KCNN1: variants seen among roughly 807,000 people sequenced by gnomAD.
KCNN1 encodes the protein small conductance calcium-activated potassium channel protein 1.
KCNN1 carries 20 observed loss-of-function variants against 44.7 expected under a neutral mutation model. The ratio of observed to expected loss-of-function variants is 0.45; its 90% CI spans 0.32 to 0.65. The LOEUF is 0.65. Ranked by LOEUF, KCNN1 falls within the 30% of genes least tolerant of loss-of-function variation. The pLI is 0.05. For missense variants in KCNN1, 632 were observed against 785.3 expected (o/e 0.80, Z 2.33); for synonymous variants, 324 against 341.7 (o/e 0.95, Z 0.57).
At chr19:17,971,306 TG>T (rs1283383482) in intron 1 of KCNN1, among the ~76,000 whole-genome samples, 1 of 152,042 alleles carries the variant, frequency 6.6e-6, no homozygotes, top group Non-Finnish European at 1.5e-5. Context: ...GCCTGGCACA[TG>T]GGGGACCCCT....
rs971767958 is a variant in KCNN1 at position 17,974,878 on chromosome 19, A to G, written c.403-214A>G. 1.3e-5 allele frequency among the ~76,000 whole-genome samples: 2 copies of G among 152,224 alleles called. No homozygotes were observed. The highest frequency in any genetic ancestry group is 4.8e-5 in the African/African-American group (2 of 41,444). ...CAGGAGAGCACCGCTTCCTGAATAC[A>G]GCACATGCTGCACGCCCAGCCCTGA... On this transcript the variant is annotated intron_variant, in intron 2 of 9. Coordinates refer to ENST00000684775, the MANE Select transcript of KCNN1 (RefSeq NM_001386974.1). This position sits in a 1 kb window ranked among gnomAD's most constrained non-coding sequence, Gnocchi z 7.3.
intron 9 of KCNN1, among the ~76,000 whole-genome samples, chr19:17,996,701 C>A (rs914195298): frequency 1.3e-5 from 2 of 152,250 alleles, no homozygotes; most frequent in Non-Finnish European, 2.9e-5. Flanking sequence ...AGATGTCACC[C>A]TCTGGCTCTA....
chr19:17,957,297 T>G (rs1030620551), intron 2 of KCNN1, among the ~76,000 whole-genome samples: 708 of 45,100 alleles, frequency 0.016, no homozygotes, highest in Middle Eastern at 0.095. Flanking sequence ...AGAGGGAGGG[T>G]AGGAGGGAGG....
intron 1 of KCNN1, among the ~76,000 whole-genome samples, chr19:17,970,403 C>T (rs1055025696): frequency 1.4e-5 from 2 of 138,464 alleles, no homozygotes; most frequent in Non-Finnish European, 3.1e-5. Flanking sequence ...CTGCAACCTC[C>T]ACTTCCCGGG....
chr19:17,989,958 T>C lies in KCNN1; in HGVS notation c.1298+115T>C, dbSNP rs1271489261. The C allele has an allele frequency of 2.7e-6, 4 of 1,474,042 alleles. No homozygotes were observed. In the East Asian group the frequency reaches 6.9e-5, roughly 25 times the overall value. 91.3% of individuals were successfully genotyped at this position (1,474,042 alleles called of 1,614,324 possible). A position where few individuals can be genotyped will look rare whatever the true frequency, so the allele number is the denominator to read the frequency against. ...CTGCCAGGGACGGGTGGTCAGTTGG[T>C]TGGGGCCTGCATCTTCTGAGCTGGG... On this transcript the variant is annotated intron_variant, in intron 7 of 9. Transcript: ENST00000684775.
At chr19:17,976,503 A>C (rs973346993) in intron 3 of KCNN1, among the ~76,000 whole-genome samples, 3 of 144,870 alleles carry the variant, frequency 2.1e-5, no homozygotes, top group South Asian at 2.2e-4. Flanking sequence ...ACCGCAACCT[A>C]CGCCTCCTGG....
intron 2 of KCNN1, among the ~76,000 whole-genome samples, chr19:17,955,166 G>A (rs1478190552): frequency 1.3e-5 from 2 of 150,526 alleles, no homozygotes; most frequent in African/African-American, 4.9e-5. Context: ...TCGAGTCCAG[G>A]AGTTCGAGGC....
chr19:17,974,216 G>T lies in KCNN1; in HGVS notation c.328G>T (p.Ala110Ser). The change falls in exon 2 of 10, where the codon GCC (alanine) becomes TCC (serine). Residue 110 changes from alanine (A) to serine (S), a missense_variant. Transcript: ENST00000684775. The surrounding 1 kb of genome is among the most constrained non-coding windows in gnomAD (Gnocchi z 7.3). ...FEKRKRLSDY[A>S]LIFGMFGIVV... is the part of the protein sequence containing the mutation. ...GAAGCGGAAGCGCCTCAGCGACTAT[G>T]CCCTCATTTTCGGCATGTTTGGCAT... The T allele has an allele frequency of 6.2e-7, 1 of 1,612,210 alleles. No individual in the cohort carries two copies. Among genetic ancestry groups the T allele is most frequent in the Non-Finnish European group, 8.5e-7 (1 of 1,178,856 alleles).
rs202200359 is a variant in KCNN1 at position 17,988,542 on chromosome 19, C to T, written c.1170+17C>T. ...ACCAAGCGGGTGAGGACCGCGGTTC[C>T]CATGGAGGCCGCCTCCTGGCCTTGT... On this transcript the variant is annotated intron_variant, in intron 6 of 9. Transcript: ENST00000684775. 3.5e-5 allele frequency: 55 copies of T among 1,580,610 alleles called. No individual in the cohort carries two copies. The highest frequency in any genetic ancestry group is 4.1e-5 in the Non-Finnish European group (47 of 1,151,738).
chr19:17,960,399 G>A (rs545293902), intron 2 of KCNN1, among the ~76,000 whole-genome samples: 3 of 152,064 alleles, frequency 2.0e-5, no homozygotes, highest in African/African-American at 7.2e-5. Context: ...GGAGGCCGAG[G>A]CGGGTGGATC....
chr19:17,959,572 T>C (rs2031630801), intron 2 of KCNN1, among the ~76,000 whole-genome samples: 1 of 152,100 alleles, frequency 6.6e-6, no homozygotes, highest in Admixed American at 6.6e-5. Context: ...TTTCAATTTA[T>C]TCTTTATTTT....
intron 2 of KCNN1, among the ~76,000 whole-genome samples, chr19:17,959,989 AG>A (rs1269426614): frequency 4.6e-5 from 7 of 152,070 alleles, no homozygotes; most frequent in African/African-American, 1.7e-4. Flanking sequence ...AGGCTGAGAC[AG>A]GAGAATCACT....
At chr19:17,988,372 C>A in intron 5 of KCNN1, 43 bp from the exon 6 acceptor site, 3 of 1,539,042 alleles carry the variant, frequency 1.9e-6, no homozygotes, top group Non-Finnish European at 1.8e-6. Context: ...AGGGAGTGAC[C>A]TCAAGACAGG....
chr19:17,995,596 T>A (rs376547772), intron 9 of KCNN1, among the ~76,000 whole-genome samples: 1 of 152,206 alleles, frequency 6.6e-6, no homozygotes, highest in East Asian at 1.9e-4. Flanking sequence ...ACTTCTTTTT[T>A]TCTTTTTGAG....
intron 2 of KCNN1, among the ~76,000 whole-genome samples, chr19:17,961,582 C>CTTTTTTT (rs756599442): frequency 8.9e-5 from 9 of 101,356 alleles, no homozygotes; most frequent in Admixed American, 2.1e-4. Flanking sequence ...TTCTTTCTTT[C>CTTTTTTT]TTTCTTTTTT....
intron 6 of KCNN1, among the ~76,000 whole-genome samples, chr19:17,989,021 T>G (rs967811145): frequency 5.3e-5 from 8 of 152,082 alleles, no homozygotes; most frequent in African/African-American, 1.9e-4. Flanking sequence ...CGTCCAGCCA[T>G]GAGCATTCAG....
chr19:17,961,500 T>G (rs2031676908), intron 2 of KCNN1, among the ~76,000 whole-genome samples: 1 of 152,006 alleles, frequency 6.6e-6, no homozygotes. Context: ...ATCGTGCCAC[T>G]GCACTCCAGT....
intron 5 of KCNN1, among the ~76,000 whole-genome samples, chr19:17,987,164 C>T (rs2032628148): frequency 6.6e-6 from 1 of 151,054 alleles, no homozygotes; most frequent in Admixed American, 6.6e-5. Flanking sequence ...GGCTGGAATG[C>T]AGTGGCGTGA....
chr19:17,953,695 A>C (rs555862733), intron 1 of KCNN1, among the ~76,000 whole-genome samples: 3 of 152,230 alleles, frequency 2.0e-5, no homozygotes, highest in African/African-American at 7.2e-5. Flanking sequence ...TAATCCCAAC[A>C]CTTTGGAAGG....
Sources: allele counts gnomAD v4.1 joint callset (sites outside exome capture counted in the v4.1 genomes callset), GRCh38; gene constraint gnomAD v4.1.1; non-coding constraint Gnocchi (gnomAD v3.1); transcripts MANE v1.5; gene names NCBI Gene and HGNC (gene_info 2026-07-23, HGNC 2026-07-21).